The following NRXN3 variants were observed in gnomAD, a reference collection of about 807,000 sequenced individuals.
The protein encoded by NRXN3 is neurexin 3.
A neutral mutation model predicts 137.6 loss-of-function variants in NRXN3; 32 were observed. The observed-to-expected ratio is 0.23, with a 90% CI of 0.18 to 0.31. The LOEUF (loss-of-function observed/expected upper bound fraction) is 0.31, where lower values mean the gene tolerates loss of function less well. Among genes scored for constraint, NRXN3 ranks in the 10% least tolerant of loss-of-function variants. The probability of loss-of-function intolerance (pLI) is 1.00; values close to 1 mark genes in which losing one functional copy is unlikely to be tolerated. For missense variants in NRXN3, 1,574 were observed against 2,062.5 expected, an observed-to-expected ratio of 0.76 and a Z score of 4.59; for synonymous variants, 798 against 784.5, an observed-to-expected ratio of 1.02 and a Z score of -0.29.
At chr14:79,248,853 C>T (rs2075563624) in intron 15 of NRXN3, 1 of 152,216 alleles carries the variant, frequency 6.6e-6, no homozygotes, top group African/African-American at 2.4e-5. Context: ...AAAGCAGGCA[C>T]TTTTAAAAGG....
intron 4 of NRXN3, among the ~76,000 whole-genome samples, chr14:78,342,331 A>G (rs2082233445): frequency 6.6e-6 from 1 of 152,160 alleles, no homozygotes; most frequent in Admixed American, 6.5e-5. Flanking sequence ...TTAGGGAGGC[A>G]TTGTTATAGG....
At position 79,670,490 on chromosome 14, in the gene NRXN3, A is replaced by G. The variant is rs370530224; in HGVS notation, c.3616+6541A>G. Reference sequence around the variant, plus strand: ...TGCTTTGATCTCCATGATCATATATATGCATTTTCTCGCATTAAAACCAAG... The same window carrying G: ...TGCTTTGATCTCCATGATCATATATGTGCATTTTCTCGCATTAAAACCAAG... On this transcript the variant is annotated intron_variant, in intron 17 of 20. Transcript: ENST00000335750. 2.0e-5 allele frequency among the ~76,000 whole-genome samples: 3 copies of G among 152,108 alleles called. No individual in the cohort carries two copies. In the East Asian group the frequency reaches 5.8e-4, roughly 29 times the overall value.
chr14:79,826,443 A>T (rs186195257), intron 20 of NRXN3, among the ~76,000 whole-genome samples: 3 of 152,318 alleles, frequency 2.0e-5, no homozygotes, highest in African/African-American at 4.8e-5. Flanking sequence ...TATATGTGTG[A>T]GTGTACATGC....
chr14:79,739,608 C>T (rs1234748822), intron 19 of NRXN3, among the ~76,000 whole-genome samples: 3 of 129,314 alleles, frequency 2.3e-5, no homozygotes, highest in African/African-American at 6.0e-5. Flanking sequence ...CATGCCACTG[C>T]ACTGCACTGC....
chr14:79,616,909 G>C (rs928731189), intron 16 of NRXN3, among the ~76,000 whole-genome samples: 2 of 152,136 alleles, frequency 1.3e-5, no homozygotes, highest in South Asian at 4.1e-4. Flanking sequence ...TTGTTACAGA[G>C]CTGAATTCAT....
chr14:78,268,285 G>T (rs866532309), intron 2 of NRXN3, among the ~76,000 whole-genome samples: 21 of 150,408 alleles, frequency 1.4e-4, no homozygotes, highest in African/African-American at 4.4e-4. Flanking sequence ...GTTTTGTTTT[G>T]TTTTGTTTTC....
At chr14:78,225,870 C>G (rs940886123) in intron 1 of NRXN3, among the ~76,000 whole-genome samples, 1 of 152,096 alleles carries the variant, frequency 6.6e-6, no homozygotes, top group African/African-American at 2.4e-5. Context: ...ATGTCTATCT[C>G]TCCTCACCCA....
In NRXN3 at chr14:78,267,547, T is replaced by C. The variant is rs543078348; in HGVS notation, c.710-11098T>C. ...CTCTGTACCAAAAGATAAAAAAAAA[T>C]GTTAGCCAGGCATGGTGGCCATGTG... On this transcript the variant is annotated intron_variant, in intron 2 of 20. Transcript: ENST00000335750. 4.3e-4 allele frequency among the ~76,000 whole-genome samples: 65 copies of C among 152,142 alleles called. 3 individuals carry two copies. The South Asian group carries it at 0.011, about 25-fold the overall frequency.
intron 2 of NRXN3, among the ~76,000 whole-genome samples, chr14:78,271,905 T>A (rs76476904): frequency 0.055 from 8,323 of 152,204 alleles, 687 homozygotes; most frequent in African/African-American, 0.18. Flanking sequence ...GCTCAGACAC[T>A]GAGAGCCAGA....
intron 9 of NRXN3, among the ~76,000 whole-genome samples, chr14:78,804,288 T>C (rs2098848175): frequency 6.6e-6 from 1 of 152,186 alleles, no homozygotes; most frequent in Non-Finnish European, 1.5e-5. Flanking sequence ...ACATTGTTTC[T>C]AGCTCCACAG....
chr14:78,402,178 C>G (rs1287522744), intron 4 of NRXN3, among the ~76,000 whole-genome samples: 4 of 152,090 alleles, frequency 2.6e-5, no homozygotes, highest in Non-Finnish European at 2.9e-5. Context: ...TTCTATCTGC[C>G]CTTGAGGATG....
At chr14:79,256,504 C>T (rs2076606845) in intron 15 of NRXN3, among the ~76,000 whole-genome samples, 1 of 152,166 alleles carries the variant, frequency 6.6e-6, no homozygotes, top group Non-Finnish European at 1.5e-5. Flanking sequence ...CTAGCACCTC[C>T]ACGCTTCTCT....
At chr14:79,806,617 G>A (rs2099206357) in intron 20 of NRXN3, among the ~76,000 whole-genome samples, 1 of 151,856 alleles carries the variant, frequency 6.6e-6, no homozygotes, top group African/African-American at 2.4e-5. Flanking sequence ...CAGAACTTGG[G>A]TGCCATGTTT....
chr14:78,509,776 C>T (rs570583565), intron 4 of NRXN3, among the ~76,000 whole-genome samples: 1 of 152,232 alleles, frequency 6.6e-6, no homozygotes, highest in Non-Finnish European at 1.5e-5. Flanking sequence ...AGCTCATATC[C>T]TCTGAGTGGA....
intron 17 of NRXN3, among the ~76,000 whole-genome samples, chr14:79,666,501 A>T (rs1436645783): frequency 6.6e-6 from 1 of 152,068 alleles, no homozygotes; most frequent in Non-Finnish European, 1.5e-5. Context: ...GATATTTTTT[A>T]TTCTCCATTT....
At chr14:79,765,225 C>T (rs2099051975) in intron 19 of NRXN3, among the ~76,000 whole-genome samples, 1 of 152,188 alleles carries the variant, frequency 6.6e-6, no homozygotes, top group Admixed American at 6.5e-5. Context: ...AGAAGCTCAG[C>T]TATCAGATAG....
chr14:79,541,890 TA>T (rs1404242063), intron 16 of NRXN3, among the ~76,000 whole-genome samples: 2 of 152,098 alleles, frequency 1.3e-5, no homozygotes, highest in African/African-American at 4.8e-5. Flanking sequence ...TTTGGTTGGG[TA>T]ATATGAGGAA....
chr14:79,158,951 G>T (rs2153055927), intron 15 of NRXN3, among the ~76,000 whole-genome samples: 1 of 151,902 alleles, frequency 6.6e-6, no homozygotes, highest in Non-Finnish European at 1.5e-5. Context: ...TCACAAAATT[G>T]CTCGTGTTTG....
At chr14:78,830,071 A>G (rs1343770842) in intron 10 of NRXN3, among the ~76,000 whole-genome samples, 1 of 152,144 alleles carries the variant, frequency 6.6e-6, no homozygotes, top group Middle Eastern at 3.2e-3. Context: ...ATAAAATAGT[A>G]TATCATGGAT....
Sources: allele counts gnomAD v4.1 joint callset (sites outside exome capture counted in the v4.1 genomes callset), GRCh38; gene constraint gnomAD v4.1.1; transcripts MANE v1.5; gene names NCBI Gene and HGNC (gene_info 2026-07-23, HGNC 2026-07-21).